Variants in XG observed in about 807,000 individuals in gnomAD.
The protein encoded by XG is glycoprotein Xg.
A neutral mutation model predicts 25.7 loss-of-function variants in XG; 24 were observed. The ratio of observed to expected loss-of-function variants is 0.93; its 90% CI spans 0.68 to 1.31. The LOEUF (loss-of-function observed/expected upper bound fraction) is 1.31, where lower values mean the gene tolerates loss of function less well. Ranked by LOEUF, XG falls within the 40% of genes most tolerant of loss-of-function variation. The probability of loss-of-function intolerance (pLI) is 0.00; values close to 1 mark genes in which losing one functional copy is unlikely to be tolerated. For missense variants in XG, 181 were observed against 187.6 expected (o/e 0.96, Z 0.21); for synonymous variants, 77 against 69.2 (o/e 1.11, Z -0.56).
intron 2 of XG, among the ~76,000 whole-genome samples, chrX:2,770,799 G>T (rs1450256448): frequency 6.6e-6 from 1 of 152,006 alleles, no homozygotes; most frequent in Non-Finnish European, 1.5e-5. Context: ...GTAGGTCTGT[G>T]CTTCTAAACC....
intron 1 of XG, among the ~76,000 whole-genome samples, chrX:2,760,065 T>C (rs2050530004): frequency 6.6e-6 from 1 of 151,864 alleles, no homozygotes; most frequent in African/African-American, 2.4e-5. Flanking sequence ...GTGAGAGAAC[T>C]GCTTGAACCT....
rs1455860993 is a variant in XG at position 2,808,212 on chromosome X, A to G, written c.446A>G (p.Asn149Ser). ...YGGDHHSTYG[N>S]PEGNMVAKIV... ...GGAGATCACCATTCAACGTATGGCA[A>G]TCCAGAAGGTAACTGATTGACTCAC... The change falls in exon 9 of 11, where the codon AAT becomes AGT. Residue 149 changes from asparagine to serine, a missense_variant. Coordinates refer to ENST00000644266, the MANE Select transcript of XG (RefSeq NM_001141919.2). 8.3e-7 allele frequency: 1 copy of G among 1,209,209 alleles called. No homozygotes were observed. Among genetic ancestry groups the G allele is most frequent in the Non-Finnish European group, 1.1e-6 (1 of 894,952 alleles).
chrX:2,783,652 G>C (rs1490247187), intron 4 of XG, among the ~76,000 whole-genome samples: 1 of 112,114 alleles, frequency 8.9e-6, no homozygotes, highest in South Asian at 3.7e-4. Context: ...CAGAGACCAA[G>C]ACCCAAGGGA....
At position 2,811,455 on chromosome X, in the gene XG, A is replaced by G; in HGVS notation, c.571+3A>G. 2 of 1,181,065 alleles carry G rather than the reference A, an allele frequency of 1.7e-6. No individual in the cohort carries two copies. The highest frequency in any genetic ancestry group is 2.3e-6 in the Non-Finnish European group (2 of 875,214). ...GAGAAATTGTTTCAGGACCCATGGT[A>G]AGTTTGGCTCTAAACATTGTTTTGC... is the stretch of plus-strand genomic sequence containing the variant. On this transcript the variant is annotated splice_donor_region_variant and intron_variant, in intron 10 of 10. Coordinates refer to ENST00000644266, the MANE Select transcript of XG (RefSeq NM_001141919.2).
intron 1 of XG, among the ~76,000 whole-genome samples, chrX:2,757,515 A>G (rs946928108): frequency 6.6e-6 from 1 of 152,056 alleles, no homozygotes; most frequent in African/African-American, 2.4e-5. Context: ...AGACTAAAAA[A>G]GACTTATGAA....
At chrX:2,802,279 T>C (rs1161629211) in intron 7 of XG, among the ~76,000 whole-genome samples, 2 of 111,124 alleles carry the variant, frequency 1.8e-5, no homozygotes, top group Non-Finnish European at 3.8e-5. Context: ...CTCAGCCTCC[T>C]GTGTAGCTAG....
intron 3 of XG, among the ~76,000 whole-genome samples, chrX:2,775,179 G>T (rs369012798): frequency 2.1e-4 from 32 of 152,276 alleles, no homozygotes; most frequent in African/African-American, 7.5e-4. Context: ...GTACACAAAT[G>T]TTCAGAGCAG....
At chrX:2,765,275 T>TG (rs1173780585) in intron 1 of XG, among the ~76,000 whole-genome samples, 2 of 141,418 alleles carry the variant, frequency 1.4e-5, no homozygotes, top group African/African-American at 5.3e-5. Context: ...CAATTGAACC[T>TG]GGGGGGCAGA....
At chrX:2,772,773 T>C (rs189064890) in intron 2 of XG, among the ~76,000 whole-genome samples, 78 of 152,334 alleles carry the variant, frequency 5.1e-4, no homozygotes, top group African/African-American at 1.8e-3. Flanking sequence ...TGCTACTACC[T>C]TTTCATTGCT....
chrX:2,760,014 G>A (rs1054745102), intron 1 of XG, among the ~76,000 whole-genome samples: 14 of 152,218 alleles, frequency 9.2e-5, no homozygotes, highest in Non-Finnish European at 1.3e-4. Flanking sequence ...ATCCAGGCAT[G>A]GAGGCGTGTG....
chrX:2,772,269 T>A (rs311152), intron 2 of XG, among the ~76,000 whole-genome samples: 2 of 151,910 alleles, frequency 1.3e-5, no homozygotes, highest in Non-Finnish European at 2.9e-5. Context: ...TGTGTACCCA[T>A]GTTTGCAGCA....
At chrX:2,799,386 G>A (rs1161128259) in intron 7 of XG, among the ~76,000 whole-genome samples, 2 of 111,322 alleles carry the variant, frequency 1.8e-5, no homozygotes, top group Non-Finnish European at 3.8e-5. Flanking sequence ...ACAGGTCTGT[G>A]GCCTTCTCCG....
At position 2,752,247 on chromosome X, in the gene XG, C is replaced by T. The variant is rs1569456199; in HGVS notation, c.-28C>T. The T allele has an allele frequency of 6.2e-6, 10 of 1,613,678 alleles. No homozygotes were observed. The highest frequency in any genetic ancestry group is 1.3e-5 in the African/African-American group (1 of 75,038). On this transcript the variant is annotated 5_prime_UTR_variant, in exon 1 of 11. Transcript: ENST00000644266. ...ACAATCCGCTTGGCTGGGGAGTCCA[C>T]TGAGGTTCTTGCATCCTGAAGCAAA...
chrX:2,752,822 T>G, intron 1 of XG: 1 of 632,818 alleles, frequency 1.6e-6, no homozygotes, highest in Non-Finnish European at 2.0e-6. Flanking sequence ...AATCTTTTCC[T>G]AAACACTGTC....
At chrX:2,772,880 C>A (rs73190947) in intron 2 of XG, among the ~76,000 whole-genome samples, 8,697 of 152,266 alleles carry the variant, frequency 0.057, 323 homozygotes, top group Middle Eastern at 0.092. Flanking sequence ...GCCTGTTCAT[C>A]CACAGCCCTT....
At chrX:2,782,225 T>C (rs1250982992) in intron 4 of XG, 97 bp downstream of exon 4, 10 of 953,617 alleles carry the variant, frequency 1.0e-5, no homozygotes, top group Admixed American at 4.7e-5. Flanking sequence ...ATTTGAAATA[T>C]GTGTGTAATA....
At chrX:2,769,995 A>C (rs2124447488) in intron 1 of XG, among the ~76,000 whole-genome samples, 1 of 134,708 alleles carries the variant, frequency 7.4e-6, no homozygotes, top group African/African-American at 2.7e-5. Flanking sequence ...AGCCCCTCTC[A>C]ACCTAGACTC....
chrX:2,782,589 A>C (rs1205272711), intron 4 of XG, among the ~76,000 whole-genome samples: 1 of 111,189 alleles, frequency 9.0e-6, no homozygotes, highest in Admixed American at 9.6e-5. Context: ...AAAGGGAACC[A>C]TAGGGGGTTG....
At chrX:2,809,019 A>G (rs1391480927) in intron 9 of XG, among the ~76,000 whole-genome samples, 1 of 111,553 alleles carries the variant, frequency 9.0e-6, no homozygotes, top group Non-Finnish European at 1.9e-5. Context: ...ATTTCCTGGA[A>G]CATATGGGAT....
Sources: gnomAD v4.1 joint callset for allele counts (sites outside exome capture counted in the v4.1 genomes callset) on GRCh38, gnomAD v4.1.1 for gene constraint, MANE v1.5 for transcripts, NCBI Gene and HGNC (gene_info 2026-07-23, HGNC 2026-07-21) for gene names.